EPB41: variants seen among roughly 807,000 people sequenced by gnomAD.
EPB41 encodes the protein protein 4.1.
EPB41 carries 65 observed loss-of-function variants against 108.0 expected under a neutral mutation model. The observed-to-expected ratio is 0.60, with a 90% CI of 0.49 to 0.74. The LOEUF (loss-of-function observed/expected upper bound fraction) is 0.74. Ranked by LOEUF, EPB41 falls within the 30% of genes least tolerant of loss-of-function variation. EPB41 has a pLI of 0.00. For synonymous variants in EPB41, 336 were observed against 358.9 expected (o/e 0.94, Z 0.72); for missense variants, 875 against 1,037.0 (o/e 0.84, Z 2.15).
intron 1 of EPB41, among the ~76,000 whole-genome samples, chr1:28,948,672 G>A (rs896494074): frequency 6.6e-6 from 1 of 151,376 alleles, no homozygotes; most frequent in South Asian, 2.1e-4. Context: ...TTTATGAGCC[G>A]GACGCTGTGA....
At chr1:29,005,590 C>T (rs995695530) in intron 4 of EPB41, among the ~76,000 whole-genome samples, 4 of 152,204 alleles carry the variant, frequency 2.6e-5, no homozygotes, top group African/African-American at 9.7e-5. Context: ...CTATAAAAGA[C>T]AGTCTCTTTC....
intron 1 of EPB41, among the ~76,000 whole-genome samples, chr1:28,964,429 A>G (rs1186615031): frequency 1.3e-5 from 2 of 150,124 alleles, no homozygotes. Flanking sequence ...CAATAGAGTG[A>G]GACTCTGTCT....
chr1:29,040,743 T>C (rs1641179481), intron 11 of EPB41, among the ~76,000 whole-genome samples: 1 of 152,190 alleles, frequency 6.6e-6, no homozygotes, highest in Non-Finnish European at 1.5e-5. Flanking sequence ...ATTGATATAT[T>C]GTGGGAGGAT....
At chr1:29,025,785 G>A (rs1288965730) in intron 7 of EPB41, among the ~76,000 whole-genome samples, 1 of 151,736 alleles carries the variant, frequency 6.6e-6, no homozygotes, top group Non-Finnish European at 1.5e-5. Context: ...AGTCATCCAT[G>A]CAGAGGGGCA....
chr1:29,015,731 C>T lies in EPB41; in HGVS notation c.869C>T (p.Pro290Leu). 1 of 1,608,986 alleles carries T rather than the reference C, an allele frequency of 6.2e-7. No homozygotes were observed. Among genetic ancestry groups the T allele is most frequent in the East Asian group, 2.2e-5 (1 of 44,792 alleles). Residue 290 changes from proline (P) to leucine (L), a missense_variant, in exon 6 of 21, where the codon CCA becomes CTA. Transcript: ENST00000343067. ...TTTACATTTAATGTAAAGTTTTATC[C>T]ACCTGACCCAGCACAGTTAACAGAA... ...WNFTFNVKFY[P>L]PDPAQLTEDI... is the part of the protein sequence containing the mutation.
In EPB41 at chr1:29,115,459, C is replaced by T. The variant is rs1222287090; in HGVS notation, c.2497-240C>T. ...CAGATACAGCTATGACCCCCGAAGTCCCTCTCCAGTTCCTAGAAGACAGCG... is the reference window on the plus strand; with the variant it reads ...CAGATACAGCTATGACCCCCGAAGTTCCTCTCCAGTTCCTAGAAGACAGCG... On this transcript the variant is annotated intron_variant, in intron 19 of 20. Coordinates refer to ENST00000343067, the MANE Select transcript of EPB41 (RefSeq NM_001376013.1). This position sits in a 1 kb window ranked among gnomAD's most constrained non-coding sequence, Gnocchi z 4.4. Among the ~76,000 whole-genome samples the T allele has an allele frequency of 6.6e-6, 1 of 152,040 alleles. No homozygotes were observed. The highest frequency in any genetic ancestry group is 1.5e-5 in the Non-Finnish European group (1 of 67,998).
At chr1:29,006,853 T>C (rs2096412574) in intron 4 of EPB41, among the ~76,000 whole-genome samples, 1 of 151,728 alleles carries the variant, frequency 6.6e-6, no homozygotes, top group African/African-American at 2.4e-5. Flanking sequence ...TCAGCCGAGA[T>C]TGTGCCACTG....
rs1187973613 is a variant in EPB41 at position 29,106,564 on chromosome 1, A to ATTTTTTTTTTTTTTTT, written c.2314-2760_2314-2745dup. 7.9e-5 allele frequency among the ~76,000 whole-genome samples: 4 copies of ATTTTTTTTTTTTTTTT among 50,896 alleles called. 2 individuals are homozygous for ATTTTTTTTTTTTTTTT. Among genetic ancestry groups the ATTTTTTTTTTTTTTTT allele is most frequent in the Non-Finnish European group, 1.3e-4 (4 of 30,500 alleles). The allele number at this position is 50,896 out of a possible 152,430, so 33.4% of individuals were successfully genotyped here. On this transcript the variant is annotated intron_variant, in intron 17 of 20. Transcript: ENST00000343067. ...CCTCTCAGCCTCCCGAGTAGCTGGG[A>ATTTTTTTTTTTTTTTT]TTTTTTTTTTTTTTTTTTTTTTTTT...
At chr1:28,934,666 T>TGTG (rs150713423) in intron 1 of EPB41, among the ~76,000 whole-genome samples, 13 of 136,308 alleles carry the variant, frequency 9.5e-5, no homozygotes, top group South Asian at 2.4e-4. Flanking sequence ...TCTTTTGACA[T>TGTG]TGTGTGTGTG....
chr1:29,107,723 C>T (rs1217946983), intron 17 of EPB41, among the ~76,000 whole-genome samples: 3 of 150,848 alleles, frequency 2.0e-5, no homozygotes, highest in African/African-American at 2.4e-5. Flanking sequence ...TGGTGGCAGG[C>T]GCCTGTAATC....
chr1:28,887,376 T>C lies in EPB41; in HGVS notation c.-8+166T>C. The C allele has an allele frequency of 1.0e-6, 1 of 985,344 alleles. No homozygotes were observed. Among genetic ancestry groups the C allele is most frequent in the Non-Finnish European group, 1.2e-6 (1 of 829,888 alleles). 61.0% of individuals were successfully genotyped at this position (985,344 alleles called of 1,614,324 possible). On this transcript the variant is annotated intron_variant, in intron 1 of 16. Coordinates refer to the EPB41 transcript ENST00000347529. This position sits in a 1 kb window ranked among gnomAD's most constrained non-coding sequence, Gnocchi z 4.9. ...CGGTCCCGAATTCCAGAATCCGAAC[T>C]TGGGGTCCAAAGGAGTCTGGGCATC... is the stretch of plus-strand genomic sequence containing the variant.
intron 8 of EPB41, among the ~76,000 whole-genome samples, chr1:29,031,585 A>G (rs1351933194): frequency 6.6e-6 from 1 of 152,112 alleles, no homozygotes; most frequent in Non-Finnish European, 1.5e-5. Flanking sequence ...AGGCCTGCTG[A>G]GTTAGACTCT....
intron 1 of EPB41, among the ~76,000 whole-genome samples, chr1:28,944,738 T>G (rs2094434816): frequency 6.6e-6 from 1 of 151,898 alleles, no homozygotes; most frequent in African/African-American, 2.4e-5. Flanking sequence ...TTTCACCATG[T>G]TGGCTGGGCT....
At chr1:29,033,647 G>C (rs563917417) in intron 9 of EPB41, among the ~76,000 whole-genome samples, 1 of 149,100 alleles carries the variant, frequency 6.7e-6, no homozygotes, top group Non-Finnish European at 1.5e-5. Flanking sequence ...TGTATGCATA[G>C]CTTCTCGTGG....
intron 1 of EPB41, among the ~76,000 whole-genome samples, chr1:28,907,373 T>C (rs960640042): frequency 3.3e-5 from 5 of 151,782 alleles, no homozygotes; most frequent in Admixed American, 3.3e-4. Context: ...GGCCTTCTTT[T>C]TTTTTCAATA....
chr1:28,936,432 A>G (rs1330322113), intron 1 of EPB41, among the ~76,000 whole-genome samples: 1 of 152,204 alleles, frequency 6.6e-6, no homozygotes. Flanking sequence ...TAATTTACAT[A>G]TAAAATTTAC....
Position 28,951,720 on chromosome 1 carries a change from A to T in EPB41, c.-7-35711A>T, listed in dbSNP as rs567363715. The stretch of plus-strand genomic sequence containing the variant: ...AATACAAAAACTAGCCAGGTATGGT[A>T]GTACACACCTGTGGTCCTAGCTACT... On this transcript the variant is annotated intron_variant, in intron 1 of 20. Coordinates refer to ENST00000343067, the MANE Select transcript of EPB41 (RefSeq NM_001376013.1). Among the ~76,000 whole-genome samples the T allele has an allele frequency of 6.6e-5, 10 of 152,102 alleles. No individual in the cohort carries two copies. In the South Asian group the frequency reaches 2.1e-3, roughly 32 times the overall value.
intron 1 of EPB41, among the ~76,000 whole-genome samples, chr1:28,954,762 A>G (rs1023952559): frequency 6.6e-6 from 1 of 152,188 alleles, no homozygotes; most frequent in Non-Finnish European, 1.5e-5. Flanking sequence ...CACATTCCCT[A>G]TATGTCACTG....
In EPB41 at chr1:28,888,403, A is replaced by T. The variant is rs923473442; in HGVS notation, c.-8+1193A>T. 3.9e-5 allele frequency among the ~76,000 whole-genome samples: 6 copies of T among 152,228 alleles called. No individual in the cohort carries two copies. In the South Asian group the frequency reaches 1.2e-3, roughly 32 times the overall value. On this transcript the variant is annotated intron_variant, in intron 1 of 16. Coordinates refer to the EPB41 transcript ENST00000347529. ...CTCCACCCAGTTTCAGGCCTGGAGG[A>T]TGGTCTTGGCAGGAGGCTGGGTGGG...
Sources: gnomAD v4.1 joint callset for allele counts (sites outside exome capture counted in the v4.1 genomes callset) on GRCh38, gnomAD v4.1.1 for gene constraint, Gnocchi (gnomAD v3.1) non-coding constraint, MANE v1.5 for transcripts, NCBI Gene and HGNC (gene_info 2026-07-23, HGNC 2026-07-21) for gene names.